The following GRIK2 variants were observed in gnomAD, a reference collection of about 807,000 sequenced individuals.
GRIK2 encodes glutamate ionotropic receptor kainate type subunit 2, also known as glutamate receptor ionotropic, kainate 2.
In GRIK2, 32 loss-of-function variants were observed where a neutral mutation model predicts 100.3. That is an observed-to-expected ratio of 0.32 (90% CI 0.24 to 0.43). The LOEUF is 0.43. Among genes scored for constraint, GRIK2 ranks in the 20% least tolerant of loss-of-function variants. GRIK2 has a pLI of 1.00. For synonymous variants in GRIK2, 417 were observed against 389.4 expected, an observed-to-expected ratio of 1.07 and a Z score of -0.83; for missense variants, 843 against 1,114.9, an observed-to-expected ratio of 0.76 and a Z score of 3.47.
chr6:102,055,223 C>T (rs1582797548), intron 15 of GRIK2, 107 bp from the exon 16 acceptor site: 1 of 736,644 alleles, frequency 1.4e-6, no homozygotes, highest in African/African-American at 1.8e-5. Flanking sequence ...AACATTGGCA[C>T]ACTTTGAAGC....
chr6:101,846,524 C>T (rs1211431116), intron 10 of GRIK2, among the ~76,000 whole-genome samples: 3 of 151,834 alleles, frequency 2.0e-5, no homozygotes, highest in Admixed American at 1.3e-4. Context: ...GTAGTGTTGG[C>T]CTGAAAGAAT....
At chr6:101,914,211 T>A (rs570735278) in intron 12 of GRIK2, among the ~76,000 whole-genome samples, 2 of 151,566 alleles carry the variant, frequency 1.3e-5, no homozygotes, top group African/African-American at 4.8e-5. Context: ...AAGAAAAAGA[T>A]AGATGATTTT....
intron 7 of GRIK2, among the ~76,000 whole-genome samples, chr6:101,794,198 GCA>G (rs1562392283): frequency 6.6e-6 from 1 of 151,960 alleles, no homozygotes; most frequent in African/African-American, 2.4e-5. Context: ...TTCGGCTCGC[GCA>G]CAGTGCACTG....
chr6:101,801,170 A>G (rs1302168536), intron 8 of GRIK2, among the ~76,000 whole-genome samples: 2 of 151,816 alleles, frequency 1.3e-5, no homozygotes, highest in Non-Finnish European at 2.9e-5. Flanking sequence ...TGCTCTCTCT[A>G]CCCCAGATTT....
intron 7 of GRIK2, among the ~76,000 whole-genome samples, chr6:101,752,465 A>C (rs1056111806): frequency 6.6e-6 from 1 of 152,196 alleles, no homozygotes; most frequent in Non-Finnish European, 1.5e-5. Flanking sequence ...CTTTCGACTT[A>C]GTCACAGTTC....
At chr6:101,817,616 T>A (rs768183953) in intron 9 of GRIK2, among the ~76,000 whole-genome samples, 1 of 152,214 alleles carries the variant, frequency 6.6e-6, no homozygotes, top group Non-Finnish European at 1.5e-5. Context: ...CATCCTGTGC[T>A]TACGTGTTTC....
chr6:101,653,227 G>A (rs1477925374), intron 4 of GRIK2, among the ~76,000 whole-genome samples: 7 of 151,990 alleles, frequency 4.6e-5, no homozygotes, highest in Non-Finnish European at 1.0e-4. Flanking sequence ...CACTTATTTT[G>A]TATCAAATTA....
At chr6:101,491,107 G>A (rs2128267038) in intron 2 of GRIK2, among the ~76,000 whole-genome samples, 1 of 116,794 alleles carries the variant, frequency 8.6e-6, no homozygotes, top group Middle Eastern at 4.2e-3. Context: ...CAGATCTTGG[G>A]CCTTAGCAAG....
chr6:101,676,976 A>G (rs1237748174), intron 5 of GRIK2, among the ~76,000 whole-genome samples, 172 bp downstream of exon 5: 2 of 152,162 alleles, frequency 1.3e-5, no homozygotes, highest in African/African-American at 4.8e-5. Flanking sequence ...AAAGAAAAGT[A>G]ATGTAAACAT....
rs185073513 is a variant in GRIK2, at chr6:101,498,316, C to T, written c.115+98924C>T. Among the ~76,000 whole-genome samples, 535 of 151,960 alleles carry T rather than the reference C, an allele frequency of 3.5e-3. 3 individuals are homozygous for T. Among genetic ancestry groups the T allele is most frequent in the East Asian group, 5.1e-3 (26 of 5,138 alleles). ...AAGTCTTTGCTCTTGTGAATAGTGA[C>T]GCAATAAACATACGTGTGCATGTGT... On this transcript the variant is annotated intron_variant, in intron 2 of 16. Coordinates refer to ENST00000369134, the MANE Select transcript of GRIK2 (RefSeq NM_021956.5).
intron 2 of GRIK2, among the ~76,000 whole-genome samples, chr6:101,522,947 A>G (rs1191611126): frequency 6.6e-6 from 1 of 151,020 alleles, no homozygotes; most frequent in Non-Finnish European, 1.5e-5. Flanking sequence ...TATTTATTAA[A>G]TTAATGAACT....
intron 14 of GRIK2, among the ~76,000 whole-genome samples, chr6:102,028,311 A>G (rs978011860): frequency 6.6e-6 from 1 of 151,180 alleles, no homozygotes; most frequent in African/African-American, 2.4e-5. Flanking sequence ...TTGATGTTTC[A>G]CAATCCATGA....
intron 14 of GRIK2, among the ~76,000 whole-genome samples, chr6:102,017,929 T>A (rs1446558406): frequency 6.6e-6 from 1 of 152,180 alleles, no homozygotes; most frequent in Non-Finnish European, 1.5e-5. Context: ...TTTTGCTTGT[T>A]ATTTACTTTT....
At chr6:101,965,744 A>AT (rs1792627736) in intron 14 of GRIK2, among the ~76,000 whole-genome samples, 1 of 152,104 alleles carries the variant, frequency 6.6e-6, no homozygotes, top group South Asian at 2.1e-4. Context: ...GAATTGGTTA[A>AT]TTTTACCTCA....
chr6:101,988,270 A>G lies in GRIK2; in HGVS notation c.2086-47071A>G, dbSNP rs555488481. 2.0e-5 allele frequency among the ~76,000 whole-genome samples: 3 copies of G among 151,860 alleles called. No homozygotes were observed. The East Asian group carries it at 5.8e-4, about 30-fold the overall frequency. On this transcript the variant is annotated intron_variant, in intron 14 of 16. Transcript: ENST00000369134. Reference sequence around the variant, plus strand: ...GTCTTATACATTTCCTCACACCATTATGATTTTGGGGGACTACCTGTGTGT... The same window carrying G: ...GTCTTATACATTTCCTCACACCATTGTGATTTTGGGGGACTACCTGTGTGT...
intron 2 of GRIK2, among the ~76,000 whole-genome samples, chr6:101,518,843 A>T (rs1004342689): frequency 6.6e-6 from 1 of 152,156 alleles, no homozygotes; most frequent in Non-Finnish European, 1.5e-5. Context: ...GTGCTCCTTG[A>T]TTTAGAATCT....
chr6:101,937,229 C>T (rs535293804), intron 14 of GRIK2, among the ~76,000 whole-genome samples: 6 of 152,228 alleles, frequency 3.9e-5, no homozygotes, highest in Middle Eastern at 3.4e-3. Flanking sequence ...CTCCAGCATA[C>T]ACTAGTATGC....
At chr6:101,417,961 G>A (rs898394858) in intron 2 of GRIK2, among the ~76,000 whole-genome samples, 1 of 152,176 alleles carries the variant, frequency 6.6e-6, no homozygotes, top group African/African-American at 2.4e-5. Context: ...AAGAACTGTT[G>A]AACAATAGGT....
chr6:101,781,931 C>T (rs1334384339), intron 7 of GRIK2, among the ~76,000 whole-genome samples: 1 of 151,944 alleles, frequency 6.6e-6, no homozygotes, highest in East Asian at 1.9e-4. Flanking sequence ...CTGATGAAAG[C>T]CCTCTCCTAG....
Sources: gnomAD v4.1 joint callset for allele counts (sites outside exome capture counted in the v4.1 genomes callset) on GRCh38, gnomAD v4.1.1 for gene constraint, MANE v1.5 for transcripts, NCBI Gene and HGNC (gene_info 2026-07-23, HGNC 2026-07-21) for gene names.